The following ZFPM2 variants were observed in gnomAD, a reference collection of about 807,000 sequenced individuals.
ZFPM2 encodes zinc finger protein, FOG family member 2, also known as zinc finger protein ZFPM2.
Under a neutral mutation model 98.6 loss-of-function variants are expected in ZFPM2, and 20 were observed. The ratio of observed to expected loss-of-function variants is 0.20; its 90% CI spans 0.14 to 0.29. The LOEUF is 0.29. Among genes scored for constraint, ZFPM2 ranks in the 10% least tolerant of loss-of-function variants. ZFPM2 has a pLI of 1.00. For synonymous variants in ZFPM2, 518 were observed against 502.7 expected, an observed-to-expected ratio of 1.03 and a Z score of -0.41; for missense variants, 1,310 against 1,388.6, an observed-to-expected ratio of 0.94 and a Z score of 0.90.
chr8:105,673,291 T>A (rs1227479653), intron 5 of ZFPM2, among the ~76,000 whole-genome samples: 2 of 151,278 alleles, frequency 1.3e-5, no homozygotes, highest in Non-Finnish European at 2.9e-5. Flanking sequence ...GCTGCACATT[T>A]TGTAACAGCA....
chr8:105,334,827 C>T (rs1168573538), intron 1 of ZFPM2, among the ~76,000 whole-genome samples: 2 of 151,536 alleles, frequency 1.3e-5, no homozygotes, highest in African/African-American at 4.8e-5. Flanking sequence ...ATGTGTTGCT[C>T]TTTTTCGTAC....
chr8:105,326,661 A>G (rs777346681), intron 1 of ZFPM2, among the ~76,000 whole-genome samples: 16 of 151,692 alleles, frequency 1.1e-4, no homozygotes, highest in Non-Finnish European at 2.1e-4. Context: ...AGACACTAAT[A>G]TAATAGTTAA....
At chr8:105,510,012 G>T (rs775087675) in intron 3 of ZFPM2, among the ~76,000 whole-genome samples, 2 of 151,682 alleles carry the variant, frequency 1.3e-5, no homozygotes, top group Non-Finnish European at 2.9e-5. Context: ...CTACACATCA[G>T]ATATATATAT....
intron 5 of ZFPM2, among the ~76,000 whole-genome samples, chr8:105,747,659 C>T (rs1488765236): frequency 6.6e-6 from 1 of 152,016 alleles, no homozygotes; most frequent in Non-Finnish European, 1.5e-5. Context: ...TAACTCATTA[C>T]ATCTGATGGT....
chr8:105,682,307 G>C (rs1253448556), intron 5 of ZFPM2, among the ~76,000 whole-genome samples: 3 of 152,166 alleles, frequency 2.0e-5, no homozygotes, highest in South Asian at 2.1e-4. Context: ...ATTTGAGCAG[G>C]AATCTGAAGA....
intron 5 of ZFPM2, among the ~76,000 whole-genome samples, chr8:105,771,320 A>G (rs1361716964): frequency 6.6e-6 from 1 of 152,114 alleles, no homozygotes; most frequent in Non-Finnish European, 1.5e-5. Context: ...CTGTTTTACA[A>G]AATCCTATCA....
At chr8:105,775,325 T>C (rs10097329) in intron 5 of ZFPM2, among the ~76,000 whole-genome samples, 24,673 of 151,774 alleles carry the variant, frequency 0.16, 3,692 homozygotes, top group African/African-American at 0.4. Context: ...CTCTTCTTTT[T>C]CCCTCCACCT....
At chr8:105,586,845 ATT>A (rs949758324) in intron 4 of ZFPM2, among the ~76,000 whole-genome samples, 11 of 134,676 alleles carry the variant, frequency 8.2e-5, no homozygotes, top group African/African-American at 2.6e-4. Context: ...ATATATAAAT[ATT>A]TTATATATAT....
chr8:105,542,146 GTAAT>G (rs1276286073), intron 3 of ZFPM2, among the ~76,000 whole-genome samples: 1 of 151,992 alleles, frequency 6.6e-6, no homozygotes, highest in Non-Finnish European at 1.5e-5. Flanking sequence ...TGCTAGCTTT[GTAAT>G]TAATTTATTG....
intron 1 of ZFPM2, among the ~76,000 whole-genome samples, chr8:105,363,025 T>C (rs1372328953): frequency 1.3e-5 from 2 of 152,174 alleles, no homozygotes; most frequent in African/African-American, 2.4e-5. Flanking sequence ...CTTGGTTAAC[T>C]TGGTTACTTT....
intron 1 of ZFPM2, among the ~76,000 whole-genome samples, chr8:105,351,054 A>G (rs1812632325): frequency 6.6e-6 from 1 of 151,770 alleles, no homozygotes. Context: ...GTGGTGGCAC[A>G]TGCTTGTAAT....
At chr8:105,423,204 T>C (rs1260362354) in intron 2 of ZFPM2, among the ~76,000 whole-genome samples, 2 of 152,218 alleles carry the variant, frequency 1.3e-5, no homozygotes, top group African/African-American at 4.8e-5. Context: ...ATGTTAGCAT[T>C]AATGTATAAA....
intron 3 of ZFPM2, 146 bp from the exon 4 acceptor site, chr8:105,561,217 G>T: frequency 1.5e-6 from 1 of 671,564 alleles, no homozygotes; most frequent in Non-Finnish European, 2.6e-6. Context: ...CTCAGGTTAA[G>T]ATGAGTTGTT....
At chr8:105,484,525 T>C (rs1685345360) in intron 3 of ZFPM2, among the ~76,000 whole-genome samples, 1 of 152,220 alleles carries the variant, frequency 6.6e-6, no homozygotes, top group Admixed American at 6.5e-5. Context: ...GGCATCTTTT[T>C]AACTAATTTT....
At chr8:105,392,676 G>A (rs114974045) in intron 1 of ZFPM2, among the ~76,000 whole-genome samples, 3,149 of 152,178 alleles carry the variant, frequency 0.021, 98 homozygotes, top group African/African-American at 0.072. Flanking sequence ...TATAATTTTT[G>A]TCGAAACTAC....
rs755956241 is a variant in ZFPM2, at chr8:105,457,716, G to A, written c.301+13335G>A. Among the ~76,000 whole-genome samples, 165 of 152,276 alleles carry A rather than the reference G, an allele frequency of 1.1e-3. 2 individuals are homozygous for A. Among genetic ancestry groups the A allele is most frequent in the Middle Eastern group, 3.4e-3 (1 of 294 alleles). ...TTGTTTGTTTGTTTGTTTTTTGCAAGTCTAATTCCATAGCATGTGTGGTAA... is the reference window on the plus strand; with the variant it reads ...TTGTTTGTTTGTTTGTTTTTTGCAAATCTAATTCCATAGCATGTGTGGTAA... On this transcript the variant is annotated intron_variant, in intron 3 of 7. Coordinates refer to ENST00000407775, the MANE Select transcript of ZFPM2 (RefSeq NM_012082.4).
At chr8:105,709,959 A>T (rs1018486948) in intron 5 of ZFPM2, among the ~76,000 whole-genome samples, 14 of 152,172 alleles carry the variant, frequency 9.2e-5, no homozygotes, top group African/African-American at 3.4e-4. Flanking sequence ...CTGTTCCAGA[A>T]ACTGGGGACA....
chr8:105,581,399 T>C (rs1815595482), intron 4 of ZFPM2, among the ~76,000 whole-genome samples: 1 of 152,198 alleles, frequency 6.6e-6, no homozygotes, highest in South Asian at 2.1e-4. Context: ...CCTTTCGCAG[T>C]ATCATGAGGA....
At chr8:105,568,078 T>C (rs1259377779) in intron 4 of ZFPM2, among the ~76,000 whole-genome samples, 1 of 152,128 alleles carries the variant, frequency 6.6e-6, no homozygotes, top group Non-Finnish European at 1.5e-5. Context: ...CTTTCTTCTC[T>C]TCTCCCTCTG....
Sources: allele counts gnomAD v4.1 joint callset (sites outside exome capture counted in the v4.1 genomes callset), GRCh38; gene constraint gnomAD v4.1.1; transcripts MANE v1.5; gene names NCBI Gene and HGNC (gene_info 2026-07-23, HGNC 2026-07-21).